TMEM272: variants seen among roughly 807,000 people sequenced by gnomAD.
TMEM272 encodes the protein transmembrane protein 272, also known as long intergenic non-protein coding RNA 282.
A neutral mutation model predicts 3.7 loss-of-function variants in TMEM272; 8 were observed. That is an observed-to-expected ratio of 2.17 (90% CI 1.27 to 3.91). TMEM272 has a LOEUF of 3.91. TMEM272 is among the 30% of genes most tolerant of loss of function. TMEM272 has a pLI of 0.00. For synonymous variants in TMEM272, 63 were observed against 39.8 expected (o/e 1.58, Z -2.20); for missense variants, 166 against 91.5 (o/e 1.81, Z -3.32).
At chr13:51,865,535 G>A in the TMEM272 span, 37 of 1,614,098 alleles carry the variant, frequency 2.3e-5, no homozygotes, top group South Asian at 9.9e-5. Context: ...GGCTTTTCGC[G>A]AAGAGATGAA....
At chr13:51,908,756 G>A in the TMEM272 span, 1 of 1,461,930 alleles carries the variant, frequency 6.8e-7, no homozygotes, top group Non-Finnish European at 9.6e-7. Context: ...AATAAAATCT[G>A]TCTTGCCTTT....
the TMEM272 span, chr13:51,865,937 G>A: frequency 6.2e-7 from 1 of 1,614,084 alleles, no homozygotes; most frequent in Non-Finnish European, 8.5e-7. Flanking sequence ...CCTCTGGGAG[G>A]AAGAGAATGC....
the TMEM272 span, chr13:51,908,371 A>C: frequency 6.7e-7 from 1 of 1,500,686 alleles, no homozygotes; most frequent in Non-Finnish European, 9.3e-7. Context: ...CTCGGTGGAC[A>C]GACATTTCTC....
chr13:51,863,440 T>G, the TMEM272 span, among the ~76,000 whole-genome samples: 1 of 152,110 alleles, frequency 6.6e-6, no homozygotes, highest in Non-Finnish European at 1.5e-5. Flanking sequence ...GTTACAGGCA[T>G]CCTGGCCTGA....
the TMEM272 span, chr13:51,865,796 A>T: frequency 1.7e-5 from 27 of 1,614,132 alleles, no homozygotes; most frequent in East Asian, 3.3e-4. Context: ...GAAAGAGGAC[A>T]ATGCCTTATG....
chr13:51,864,075 C>CTCCCTCCCTTCCT, the TMEM272 span, among the ~76,000 whole-genome samples: 1 of 151,162 alleles, frequency 6.6e-6, no homozygotes, highest in East Asian at 1.9e-4. Flanking sequence ...TTCTCCTTCC[C>CTCCCTCCCTTCCT]TCCCTCCCTT....
the TMEM272 span, among the ~76,000 whole-genome samples, chr13:51,895,695 C>T: frequency 6.6e-6 from 1 of 152,104 alleles, no homozygotes; most frequent in African/African-American, 2.4e-5. Context: ...TACATCCCCC[C>T]ACCCTCTGCC....
the TMEM272 span, among the ~76,000 whole-genome samples, chr13:51,917,161 T>C: frequency 6.6e-6 from 1 of 152,214 alleles, no homozygotes; most frequent in African/African-American, 2.4e-5. Flanking sequence ...AACATCACCA[T>C]GGAGCTCCAC....
rs1956234518 is a variant in TMEM272, at chr13:51,838,498, C to T, written c.33G>A (p.Gln11=). MPGGLEKTCH[Q]CISKIASNAC... is the part of the protein sequence containing the mutation. ...CATTGCTGGCGATTTTAGAAATGCACTGATGACACGTTTTCTCCAGACCTC... is the reference window on the plus strand; with the variant it reads ...CATTGCTGGCGATTTTAGAAATGCATTGATGACACGTTTTCTCCAGACCTC... Residue 11 remains glutamine, a synonymous_variant, in exon 2 of 5, where the codon CAG becomes CAA. Transcript: ENST00000629372. 2.8e-6 allele frequency: 2 copies of T among 702,930 alleles called. No individual in the cohort carries two copies. The highest frequency in any genetic ancestry group is 5.2e-6 in the Non-Finnish European group (2 of 385,008). 43.5% of individuals were successfully genotyped at this position (702,930 alleles called of 1,614,324 possible).
chr13:51,909,479 C>T, the TMEM272 span: 1 of 921,016 alleles, frequency 1.1e-6, no homozygotes, highest in Non-Finnish European at 1.8e-6. Context: ...CAGTCATTAA[C>T]TTTCTGTTGA....
intron 3 of TMEM272, 104 bp from the exon 4 acceptor site, chr13:51,822,241 T>C (rs1956086161): frequency 1.6e-6 from 1 of 616,784 alleles, no homozygotes; most frequent in African/African-American, 1.8e-5. Flanking sequence ...ATGTTAATCA[T>C]GCAAACCATA....
chr13:51,855,136 T>C, the TMEM272 span, among the ~76,000 whole-genome samples: 3 of 152,192 alleles, frequency 2.0e-5, no homozygotes, highest in Admixed American at 2.0e-4. Flanking sequence ...TGAACAGAGA[T>C]TTCAGCAATG....
At chr13:51,849,448 T>C (rs1041262270), upstream of TMEM272, among the ~76,000 whole-genome samples, 1 of 152,250 alleles carries the variant, frequency 6.6e-6, no homozygotes, top group African/African-American at 2.4e-5. Flanking sequence ...TACTGAGCTG[T>C]ACATTTTTCA....
At chr13:51,889,710 C>T in the TMEM272 span, among the ~76,000 whole-genome samples, 8 of 152,150 alleles carry the variant, frequency 5.3e-5, no homozygotes, top group Admixed American at 2.0e-4. Context: ...GGTGCGATCC[C>T]GGCTCACCTT....
At chr13:51,918,803 CTTTTTTTTTT>C in the TMEM272 span, among the ~76,000 whole-genome samples, 376 of 81,050 alleles carry the variant, frequency 4.6e-3, no homozygotes, top group African/African-American at 0.017. Flanking sequence ...TTTTGAAATT[CTTTTTTTTTT>C]TTTTTTTTTT....
At chr13:51,828,075 AG>A (rs1236834287) in intron 2 of TMEM272, among the ~76,000 whole-genome samples, 1 of 152,202 alleles carries the variant, frequency 6.6e-6, no homozygotes, top group Non-Finnish European at 1.5e-5. Flanking sequence ...GCAAGAGAAG[AG>A]GTAAAAAGAA....
the TMEM272 span, among the ~76,000 whole-genome samples, chr13:51,851,805 G>A: frequency 6.6e-6 from 1 of 152,202 alleles, no homozygotes; most frequent in Admixed American, 6.5e-5. Context: ...TTACAGGCGT[G>A]AGCCACCGCG....
chr13:51,878,354 C>T, the TMEM272 span, among the ~76,000 whole-genome samples: 1 of 152,102 alleles, frequency 6.6e-6, no homozygotes, highest in African/African-American at 2.4e-5. Flanking sequence ...CACTTGAACC[C>T]GAGAGGCGGA....
At chr13:51,895,859 C>G in the TMEM272 span, among the ~76,000 whole-genome samples, 1 of 152,148 alleles carries the variant, frequency 6.6e-6, no homozygotes, top group South Asian at 2.1e-4. Flanking sequence ...TTCTCAGATT[C>G]CAATACACAA....
Sources: gnomAD v4.1 joint callset for allele counts (sites outside exome capture counted in the v4.1 genomes callset) on GRCh38, gnomAD v4.1.1 for gene constraint, MANE v1.5 for transcripts, NCBI Gene and HGNC (gene_info 2026-07-23, HGNC 2026-07-21) for gene names.